Variants in EIF3B observed in about 807,000 individuals in gnomAD.
EIF3B encodes eukaryotic translation initiation factor 3 subunit B.
In EIF3B, 10 loss-of-function variants were observed where a neutral mutation model predicts 104.6. That is an observed-to-expected ratio of 0.10 (90% confidence interval 0.06 to 0.16). The LOEUF (loss-of-function observed/expected upper bound fraction) is 0.16. Ranked by LOEUF, EIF3B falls within the 10% of genes least tolerant of loss-of-function variation. The pLI is 1.00. For synonymous variants in EIF3B, 542 were observed against 417.2 expected (o/e 1.30, Z -3.65); for missense variants, 1,014 against 1,087.9 (o/e 0.93, Z 0.96).
Position 2,362,760 on chromosome 7 carries a change from G to C in EIF3B, c.808G>C (p.Asp270His), listed in dbSNP as rs879262626. The change falls in exon 3 of 19, where the codon GAC becomes CAC. Residue 270 changes from aspartate to histidine, a missense_variant. Asp to His is a moderately conservative substitution (Grantham distance 81, BLOSUM62 -1). This residue lies in a region of EIF3B where 488 missense variants were observed against 404.3 expected (regional missense o/e 1.21). Coordinates refer to ENST00000360876, the MANE Select transcript of EIF3B (RefSeq NM_001037283.2). ...TFRVNLFTDFDKYMTISDEWD... is the reference protein window; with the variant it reads ...TFRVNLFTDFHKYMTISDEWD... Reference sequence around the variant, plus strand: ...CCGGGTCAACCTCTTTACGGATTTTGACAAGTGAGTTCAGACTTGGCCACA... The same window carrying C: ...CCGGGTCAACCTCTTTACGGATTTTCACAAGTGAGTTCAGACTTGGCCACA... 13 of 1,614,022 alleles carry C rather than the reference G, an allele frequency of 8.1e-6. No individual in the cohort carries two copies. In the Admixed American group the frequency reaches 1.2e-4, roughly 14 times the overall value.
chr7:2,378,545 T>C lies in EIF3B; in HGVS notation c.2155-144T>C, dbSNP rs878933471. On this transcript the variant is annotated intron_variant, in intron 15 of 18. Transcript: ENST00000360876. ...GTTGTGTGAATGACCCTGGGTGTCATGGAGAAAGGAGCATGCGAGCGCTCC... is the reference window on the plus strand; with the variant it reads ...GTTGTGTGAATGACCCTGGGTGTCACGGAGAAAGGAGCATGCGAGCGCTCC... 6.3e-6 allele frequency: 4 copies of C among 632,864 alleles called. No individual in the cohort carries two copies. The East Asian group carries it at 8.6e-5, about 14-fold the overall frequency. The allele number at this position is 632,864 out of a possible 1,614,324, so 39.2% of individuals were successfully genotyped here.
intron 13 of EIF3B, 75 bp from the exon 14 acceptor site, chr7:2,375,314 G>A (rs1021579376): frequency 3.6e-5 from 58 of 1,589,604 alleles, no homozygotes; most frequent in East Asian, 2.5e-4. Flanking sequence ...ACCCCATGCC[G>A]CAGCACCTCT....
chr7:2,361,110 T>G (rs973926510), intron 2 of EIF3B, among the ~76,000 whole-genome samples: 2 of 152,226 alleles, frequency 1.3e-5, no homozygotes, highest in East Asian at 1.9e-4. Flanking sequence ...TTTTAAAGTT[T>G]TTAAAATTAT....
chr7:2,363,489 A>T lies in EIF3B; in HGVS notation c.871-143A>T. 6.7e-6 allele frequency: 5 copies of T among 748,488 alleles called. No individual in the cohort carries two copies. The South Asian group carries it at 7.9e-5, about 12-fold the overall frequency. 46.4% of individuals were successfully genotyped at this position (748,488 alleles called of 1,614,324 possible). On this transcript the variant is annotated intron_variant, in intron 4 of 18. Transcript: ENST00000360876. Reference sequence around the variant, plus strand: ...CTGTCTCAAAAAAAAAAGAAATGCTAGACGGTGTCTTGACTTGAGGTTAGG... The same window carrying T: ...CTGTCTCAAAAAAAAAAGAAATGCTTGACGGTGTCTTGACTTGAGGTTAGG...
rs1007949456 is a variant in EIF3B, at chr7:2,360,727, C to G, written c.517C>G (p.Leu173Val). The G allele has an allele frequency of 6.3e-7, 1 of 1,589,020 alleles. No homozygotes were observed. Among genetic ancestry groups the G allele is most frequent in the African/African-American group, 1.3e-5 (1 of 74,412 alleles). Residue 173 changes from leucine to valine, a missense_variant, in exon 2 of 19, where the codon CTC (leucine) becomes GTC (valine). Physicochemically the swap from Leu to Val is conservative, Grantham distance 32 (BLOSUM62 1). Transcript: ENST00000360876. ...TTGTTCAGAATTACTGGGAGATGTA[C>G]TCAAAGATCGGCCCCAGGAAGCAGA... is the stretch of plus-strand genomic sequence containing the variant. ...VSEEELLGDV[L>V]KDRPQEADGI... is the part of the protein sequence containing the mutation.
chr7:2,366,629 C>G, intron 8 of EIF3B, 38 bp downstream of exon 8: 1 of 1,608,482 alleles, frequency 6.2e-7, no homozygotes, highest in Non-Finnish European at 8.5e-7. Flanking sequence ...CCCGTCCGGT[C>G]CTTGCTTGTA....
rs950907667 is a variant in EIF3B at position 2,361,768 on chromosome 7, TTTTAAG to T, written c.692+870_693-868del. Among the ~76,000 whole-genome samples, 5 of 151,836 alleles carry T rather than the reference TTTTAAG, an allele frequency of 3.3e-5. 1 individual carries two copies. Among genetic ancestry groups the T allele is most frequent in the Admixed American group, 3.3e-4 (5 of 15,232 alleles). On this transcript the variant is annotated intron_variant, in intron 2 of 18. Coordinates refer to ENST00000360876, the MANE Select transcript of EIF3B (RefSeq NM_001037283.2). The stretch of plus-strand genomic sequence containing the variant: ...CCTGTAATACACAATATTAGACTAC[TTTTAAG>T]TTTTTTTTGTTTGTTTGTTTGTTTG...
chr7:2,355,948 G>A (rs991523081), intron 1 of EIF3B, among the ~76,000 whole-genome samples: 1 of 152,154 alleles, frequency 6.6e-6, no homozygotes. Flanking sequence ...TGAAATTCCA[G>A]TTTGATTTTT....
At chr7:2,365,590 C>A (rs925261820) in intron 6 of EIF3B, among the ~76,000 whole-genome samples, 1 of 151,966 alleles carries the variant, frequency 6.6e-6, no homozygotes, top group Non-Finnish European at 1.5e-5. Flanking sequence ...TGGGAGGAGC[C>A]CCCAGGCTCT....
rs1295769719 is a variant in EIF3B at position 2,379,830 on chromosome 7, G to A, written c.*14+319G>A. The A allele has an allele frequency of 3.7e-5, 13 of 350,428 alleles. No homozygotes were observed. The East Asian group carries it at 4.3e-4, about 11-fold the overall frequency. 21.7% of individuals were successfully genotyped at this position (350,428 alleles called of 1,614,324 possible). On this transcript the variant is annotated intron_variant, in intron 18 of 18. Transcript: ENST00000360876. ...ATTTCCTGATACCTGTGCTAGTGAC[G>A]GCCGCGGTGTGTCCACTGGAAAGAA... is the stretch of plus-strand genomic sequence containing the variant.
chr7:2,362,544 C>A (rs751592608), intron 2 of EIF3B, 101 bp from the exon 3 acceptor site: 468 of 1,458,734 alleles, frequency 3.2e-4, no homozygotes, highest in Non-Finnish European at 4.4e-4. Context: ...CACAGATACT[C>A]CTGGCACCGA....
At chr7:2,374,361 T>C in intron 12 of EIF3B, 167 bp from the exon 13 acceptor site, 1 of 599,032 alleles carries the variant, frequency 1.7e-6, no homozygotes, top group Non-Finnish European at 3.0e-6. Flanking sequence ...GATCATGACT[T>C]AGGGGGTACT....
chr7:2,369,892 T>G (rs990026062), intron 10 of EIF3B, among the ~76,000 whole-genome samples: 1 of 146,654 alleles, frequency 6.8e-6, no homozygotes, highest in African/African-American at 2.5e-5. Context: ...TTCTTCTGCC[T>G]CAGCTTCCCA....
At position 2,354,956 on chromosome 7, in the gene EIF3B, C is replaced by A; in HGVS notation, c.35C>A (p.Ala12Glu). ...GCGGAGAACGTGGCGGTGCCCGAGG[C>A]GGCCGAGGAGCGCGCCGAGCCCGGC... ...QDAENVAVPE[A>E]AEERAEPGQQ... The change falls in exon 1 of 19, where the codon GCG (alanine) becomes GAG (glutamate). Residue 12 changes from alanine to glutamate, a missense_variant. Physicochemically the swap from Ala to Glu is moderately radical, Grantham distance 107. This residue lies in a region of EIF3B where 488 missense variants were observed against 404.3 expected (regional missense o/e 1.21). Transcript: ENST00000360876. The A allele has an allele frequency of 8.2e-7, 1 of 1,223,904 alleles. No individual in the cohort carries two copies. Among genetic ancestry groups the A allele is most frequent in the South Asian group, 2.2e-5 (1 of 44,952 alleles). 75.8% of individuals were successfully genotyped at this position (1,223,904 alleles called of 1,614,324 possible). A position where few individuals can be genotyped will look rare whatever the true frequency, so the allele number is the denominator to read the frequency against.
rs1247110285 is a variant in EIF3B at position 2,371,296 on chromosome 7, A to G, written c.1615-481A>G. 5.3e-5 allele frequency among the ~76,000 whole-genome samples: 8 copies of G among 151,944 alleles called. No individual in the cohort carries two copies. In the East Asian group the frequency reaches 1.4e-3, roughly 26 times the overall value. ...TCAGCAGTAATCTCTTGTTGGGTGG[A>G]CCCCGTTTCTTGGCCTCCTTCCTCT... On this transcript the variant is annotated intron_variant, in intron 10 of 18. Transcript: ENST00000360876.
rs955950785 is a variant in EIF3B at position 2,355,039 on chromosome 7, C to A, written c.118C>A (p.Pro40Thr). The part of the protein sequence containing the change: ...PAEGLLRPAG[P>T]GAPEAAGTEA... ...CGAGGGGCTGCTGCGGCCCGCGGGG[C>A]CCGGCGCTCCGGAGGCCGCGGGGAC... Residue 40 changes from proline (P) to threonine (T), a missense_variant, in exon 1 of 19, where the codon CCC becomes ACC. Physicochemically the swap from Pro to Thr is conservative, Grantham distance 38. Coordinates refer to ENST00000360876, the MANE Select transcript of EIF3B (RefSeq NM_001037283.2). 2 of 1,203,484 alleles carry A rather than the reference C, an allele frequency of 1.7e-6. No homozygotes were observed. The highest frequency in any genetic ancestry group is 8.9e-5 in the Admixed American group (2 of 22,450). The allele number at this position is 1,203,484 out of a possible 1,614,324, so 74.6% of individuals were successfully genotyped here.
rs746601102 is a variant in EIF3B, at chr7:2,363,789, G to C, written c.999+29G>C. 9 of 1,606,562 alleles carry C rather than the reference G, an allele frequency of 5.6e-6. No homozygotes were observed. In the Admixed American group the frequency reaches 1.4e-4, roughly 24 times the overall value. ...TGTATTTGCTGCTGCTGGGGGCGGG[G>C]ACTCACCTCTCCTGTATTTCCTTAA... On this transcript the variant is annotated intron_variant, in intron 5 of 18. Transcript: ENST00000360876.
intron 9 of EIF3B, 60 bp from the exon 10 acceptor site, chr7:2,369,412 G>T: frequency 6.4e-7 from 1 of 1,556,430 alleles, no homozygotes; most frequent in Non-Finnish European, 8.8e-7. Context: ...ATTCTCTTCT[G>T]CTTTTCAGTT....
At chr7:2,370,186 G>A (rs546905294) in intron 10 of EIF3B, among the ~76,000 whole-genome samples, 5 of 152,020 alleles carry the variant, frequency 3.3e-5, no homozygotes, top group African/African-American at 9.6e-5. Context: ...TCAAAAAATT[G>A]CCTGAGTTGG....
Sources: allele counts gnomAD v4.1 joint callset (sites outside exome capture counted in the v4.1 genomes callset), GRCh38; gene constraint gnomAD v4.1.1; regional missense constraint gnomAD v4.1.1; transcripts MANE v1.5; gene names NCBI Gene and HGNC (gene_info 2026-07-23, HGNC 2026-07-21).